Variants in PADI6 observed in about 807,000 individuals in gnomAD.
PADI6 encodes peptidyl arginine deiminase 6.
PADI6 carries 66 observed loss-of-function variants against 78.2 expected under a neutral mutation model. The observed-to-expected ratio is 0.84, with a 90% CI of 0.69 to 1.04. The LOEUF (loss-of-function observed/expected upper bound fraction) is 1.04, where lower values mean the gene tolerates loss of function less well. Among genes scored for constraint, PADI6 ranks in the 50% least tolerant of loss-of-function variants. The pLI, the probability that PADI6 is intolerant of heterozygous loss-of-function variation, is 0.00. For synonymous variants in PADI6, 397 were observed against 346.9 expected, an observed-to-expected ratio of 1.14 and a Z score of -1.60; for missense variants, 854 against 866.1, an observed-to-expected ratio of 0.99 and a Z score of 0.18.
intron 1 of PADI6, 123 bp downstream of exon 1, chr1:17,372,484 G>A: frequency 2.2e-6 from 2 of 911,322 alleles, no homozygotes; most frequent in Admixed American, 2.0e-5. Flanking sequence ...CCCATCTTGG[G>A]AAGCCTTGGG....
chr1:17,379,355 C>T (rs367979748), intron 3 of PADI6, among the ~76,000 whole-genome samples: 3 of 151,044 alleles, frequency 2.0e-5, no homozygotes, highest in African/African-American at 7.4e-5. Context: ...ACCTCGTGAT[C>T]CGCCCGCCTC....
At chr1:17,388,685 T>TG (rs2075151514) in intron 7 of PADI6, 92 bp from the exon 8 acceptor site, 5 of 1,468,554 alleles carry the variant, frequency 3.4e-6, no homozygotes, top group South Asian at 1.3e-5. Context: ...GGGGCCCAGC[T>TG]GGGGGCCGGA....
rs556277108 is a variant in PADI6, at chr1:17,376,349, G to A, written c.367+850G>A. Among the ~76,000 whole-genome samples, 192 of 151,606 alleles carry A rather than the reference G, an allele frequency of 1.3e-3. 1 individual carries two copies. Among genetic ancestry groups the A allele is most frequent in the African/African-American group, 4.2e-3 (175 of 41,284 alleles). ...GAGTCTTGCTCTGTTGCCCAGGCTG[G>A]AGTGCAGTGGCGCGATCTTGGCTCA... is the stretch of plus-strand genomic sequence containing the variant. On this transcript the variant is annotated intron_variant, in intron 3 of 15. Transcript: ENST00000619609.
chr1:17,396,933 G>T, intron 13 of PADI6, 138 bp from the exon 14 acceptor site: 2 of 742,220 alleles, frequency 2.7e-6, no homozygotes, highest in South Asian at 3.3e-5. Flanking sequence ...TGTGATCCCT[G>T]GAGATAGGCC....
chr1:17,375,357 T>A, intron 2 of PADI6, 70 bp from the exon 3 acceptor site: 1 of 1,407,876 alleles, frequency 7.1e-7, no homozygotes, highest in Non-Finnish European at 9.9e-7. Context: ...ACTCGGCACA[T>A]GGCCTGGGGC....
At chr1:17,385,442 G>C (rs1172344216) in intron 6 of PADI6, among the ~76,000 whole-genome samples, 2 of 152,124 alleles carry the variant, frequency 1.3e-5, no homozygotes, top group Non-Finnish European at 2.9e-5. Flanking sequence ...AGGATGGAGG[G>C]TGGGGATCGG....
intron 6 of PADI6, among the ~76,000 whole-genome samples, chr1:17,386,671 G>T (rs2075122706): frequency 6.6e-6 from 1 of 152,214 alleles, no homozygotes; most frequent in Admixed American, 6.5e-5. Flanking sequence ...ACTAGCACAG[G>T]AGTGGTCCCG....
Position 17,401,431 on chromosome 1 carries a change from T to C in PADI6, c.2078T>C (p.Val693Ala), listed in dbSNP as rs2075300579. 6.2e-7 allele frequency: 1 copy of C among 1,613,530 alleles called. No individual in the cohort carries two copies. ...TTTGCCTTCAAATGGTGGAAGATGGTACCTTAGACCCAGGCCCTGGAGCTG... is the reference window on the plus strand; with the variant it reads ...TTTGCCTTCAAATGGTGGAAGATGGCACCTTAGACCCAGGCCCTGGAGCTG... ...VPFAFKWWKMVP is the reference protein window; with the variant it reads ...VPFAFKWWKMAP The change falls in exon 16 of 16, where the codon GTA (valine) becomes GCA (alanine). Residue 693 changes from valine (V) to alanine (A), a missense_variant. Transcript: ENST00000619609.
chr1:17,391,452 T>G (rs183010201), intron 8 of PADI6, among the ~76,000 whole-genome samples: 1 of 152,188 alleles, frequency 6.6e-6, no homozygotes, highest in Non-Finnish European at 1.5e-5. Flanking sequence ...ACTCCCAGTC[T>G]TAGGTGATCC....
At chr1:17,384,455 C>A (rs1036046204) in intron 6 of PADI6, among the ~76,000 whole-genome samples, 1 of 151,744 alleles carries the variant, frequency 6.6e-6, no homozygotes, top group Non-Finnish European at 1.5e-5. Context: ...TATAAAGAAG[C>A]CTGGCCAGGC....
At chr1:17,372,723 T>C (rs1287921856) in intron 1 of PADI6, among the ~76,000 whole-genome samples, 1 of 152,148 alleles carries the variant, frequency 6.6e-6, no homozygotes, top group Admixed American at 6.5e-5. Context: ...AGGGTCACAG[T>C]ACAACTTCCT....
intron 1 of PADI6, 68 bp downstream of exon 1, chr1:17,372,429 T>A: frequency 7.0e-7 from 1 of 1,425,202 alleles, no homozygotes; most frequent in Non-Finnish European, 9.9e-7. Flanking sequence ...CCCAGTCCCC[T>A]TGATCTGGGA....
chr1:17,372,551 C>T (rs530378378), intron 1 of PADI6, among the ~76,000 whole-genome samples, 190 bp downstream of exon 1: 1 of 152,170 alleles, frequency 6.6e-6, no homozygotes, highest in Non-Finnish European at 1.5e-5. Context: ...TAAATCCTGC[C>T]TCTGCCCTGT....
chr1:17,394,351 A>G lies in PADI6; in HGVS notation c.1234A>G (p.Ser412Gly), dbSNP rs1205811334. The G allele has an allele frequency of 1.2e-6, 2 of 1,613,788 alleles. No individual in the cohort carries two copies. Among genetic ancestry groups the G allele is most frequent in the Admixed American group, 1.7e-5 (1 of 59,996 alleles). The change falls in exon 11 of 16, where the codon AGC (serine) becomes GGC (glycine). Residue 412 changes from serine to glycine, a missense_variant. By Grantham distance (56) the Ser-to-Gly change is moderately conservative. Coordinates refer to ENST00000619609, the MANE Select transcript of PADI6 (RefSeq NM_207421.4). ...IQDTEDHKVA[S>G]MDSIGNLMVS... ...GGACACTGAGGACCATAAAGTGGCCAGCATGGATTCCATTGGGAACCTGAT... is the reference window on the plus strand; with the variant it reads ...GGACACTGAGGACCATAAAGTGGCCGGCATGGATTCCATTGGGAACCTGAT...
chr1:17,386,712 G>A (rs1284571264), intron 6 of PADI6, among the ~76,000 whole-genome samples: 1 of 152,210 alleles, frequency 6.6e-6, no homozygotes, highest in Non-Finnish European at 1.5e-5. Flanking sequence ...GCCAGCAGCA[G>A]GACTGAGGCT....
At chr1:17,392,263 G>A in intron 9 of PADI6, 38 bp downstream of exon 9, 1 of 1,460,306 alleles carries the variant, frequency 6.8e-7, no homozygotes, top group Non-Finnish European at 9.4e-7. Flanking sequence ...TCGGGGAGGG[G>A]TGGGGAGACT....
chr1:17,401,082 C>CTG, intron 15 of PADI6, 123 bp from the exon 16 acceptor site: 3 of 797,474 alleles, frequency 3.8e-6, no homozygotes, highest in Non-Finnish European at 6.0e-6. Context: ...CTGGGTTTCA[C>CTG]TGACCTGGAG....
intron 6 of PADI6, among the ~76,000 whole-genome samples, 188 bp downstream of exon 6, chr1:17,382,280 T>C (rs1462946460): frequency 6.6e-6 from 1 of 152,180 alleles, no homozygotes; most frequent in African/African-American, 2.4e-5. Flanking sequence ...ATAGGCTAAA[T>C]CTGTACACAT....
Position 17,381,091 on chromosome 1 carries a change from T to C in PADI6, c.480T>C (p.Leu160=). Residue 160 remains leucine (L), a synonymous_variant, in exon 5 of 16, where the codon CTT becomes CTC. Coordinates refer to ENST00000619609, the MANE Select transcript of PADI6 (RefSeq NM_207421.4). ...WGPSGWGAIL[L]VNCNPADVGQ... ...CCAGCGGTTGGGGTGCCATCCTGCT[T>C]GTGAATTGCAACCCTGCTGATGTGG... The C allele has an allele frequency of 1.2e-6, 2 of 1,609,572 alleles. No homozygotes were observed. The highest frequency in any genetic ancestry group is 1.7e-6 in the Non-Finnish European group (2 of 1,178,140).
Sources: gnomAD v4.1 joint callset for allele counts (sites outside exome capture counted in the v4.1 genomes callset) on GRCh38, gnomAD v4.1.1 for gene constraint, MANE v1.5 for transcripts, NCBI Gene and HGNC (gene_info 2026-07-23, HGNC 2026-07-21) for gene names.